Variants in GARNL3 observed in about 807,000 individuals in gnomAD.
GARNL3 encodes the protein GTPase-activating Rap/Ran-GAP domain-like protein 3.
GARNL3 carries 63 observed loss-of-function variants against 125.0 expected under a neutral mutation model. The observed-to-expected ratio is 0.50, with a 90% confidence interval of 0.41 to 0.62. The LOEUF is 0.62. GARNL3 is among the 20% of genes least tolerant of loss of function. GARNL3 has a pLI of 0.00. For missense variants in GARNL3, 994 were observed against 1,244.0 expected, an observed-to-expected ratio of 0.80 and a Z score of 3.02; for synonymous variants, 439 against 457.5, an observed-to-expected ratio of 0.96 and a Z score of 0.52.
intron 2 of GARNL3, chr9:127,300,729 A>C (rs1244579318): frequency 8.8e-6 from 3 of 339,738 alleles, no homozygotes; most frequent in Non-Finnish European, 1.7e-5. Flanking sequence ...TGCTGGGATT[A>C]CAGGCGCGAG....
At chr9:127,261,545 G>A (rs771931013), upstream of GARNL3, among the ~76,000 whole-genome samples, 53 of 151,738 alleles carry the variant, frequency 3.5e-4, no homozygotes, top group Non-Finnish European at 7.1e-4. Context: ...CAAGTAGGTG[G>A]GATTACAGGC....
intron 14 of GARNL3, among the ~76,000 whole-genome samples, chr9:127,343,328 G>T (rs550715237): frequency 1.3e-5 from 2 of 152,120 alleles, no homozygotes; most frequent in Admixed American, 1.3e-4. Context: ...TCTCAATTCC[G>T]TAAGGTCAGG....
chr9:127,288,090 T>C (rs1204312255), intron 1 of GARNL3, among the ~76,000 whole-genome samples: 2 of 152,168 alleles, frequency 1.3e-5, no homozygotes, highest in East Asian at 1.9e-4. Flanking sequence ...TTGCTGTCTT[T>C]TGAAGTTTGC....
intron 27 of GARNL3, among the ~76,000 whole-genome samples, chr9:127,391,668 T>C: frequency 7.6e-6 from 1 of 132,182 alleles, no homozygotes; most frequent in Non-Finnish European, 1.6e-5. Flanking sequence ...ACCACTGCAC[T>C]CCAGCCTGGG....
At position 127,354,078 on chromosome 9, in the gene GARNL3, G is replaced by C. The variant is rs1830551993; in HGVS notation, c.1642+134G>C. The C allele has an allele frequency of 7.0e-6, 5 of 716,350 alleles. No individual in the cohort carries two copies. The South Asian group carries it at 8.6e-5, about 12-fold the overall frequency. 44.4% of individuals were successfully genotyped at this position (716,350 alleles called of 1,614,324 possible). On this transcript the variant is annotated intron_variant, in intron 18 of 27. Transcript: ENST00000373387. ...TCCTTTCCTGATGCTCAGTGCTTGG[G>C]ATCCCTCAGTGGCCCCTTTGTTCTC...
chr9:127,304,789 G>T lies in GARNL3; in HGVS notation c.220-6847G>T, dbSNP rs1160426471. Reference sequence around the variant, plus strand: ...TGACCTCAGGTGATCCACCCACCTCGGCTTCCCAAAGTGCTAGGATTACAA... The same window carrying T: ...TGACCTCAGGTGATCCACCCACCTCTGCTTCCCAAAGTGCTAGGATTACAA... On this transcript the variant is annotated intron_variant, in intron 2 of 27. Transcript: ENST00000373387. 3.3e-5 allele frequency among the ~76,000 whole-genome samples: 5 copies of T among 152,054 alleles called. No homozygotes were observed. In the East Asian group the frequency reaches 9.7e-4, roughly 29 times the overall value.
chr9:127,336,995 G>A (rs1269185770), intron 11 of GARNL3, among the ~76,000 whole-genome samples: 2 of 152,224 alleles, frequency 1.3e-5, no homozygotes, highest in South Asian at 2.1e-4. Flanking sequence ...AAGTAAACAT[G>A]TTTGGAGACA....
chr9:127,349,417 A>AT (rs1588906409), intron 17 of GARNL3, among the ~76,000 whole-genome samples: 3 of 152,312 alleles, frequency 2.0e-5, no homozygotes, highest in East Asian at 1.9e-4. Context: ...AGTCTTAAAA[A>AT]AAAAAAAAAG....
chr9:127,291,146 T>C (rs754541492), intron 1 of GARNL3, 22 bp from the exon 2 acceptor site: 141 of 1,611,502 alleles, frequency 8.7e-5, no homozygotes, highest in Non-Finnish European at 9.3e-5. Flanking sequence ...TGCTTCCTAA[T>C]TGAATGCTTT....
intron 22 of GARNL3, among the ~76,000 whole-genome samples, chr9:127,380,388 C>T (rs1180709767): frequency 6.6e-6 from 1 of 152,066 alleles, no homozygotes; most frequent in Non-Finnish European, 1.5e-5. Flanking sequence ...AAGTATTTAA[C>T]AGTAAATAAC....
rs75753004 is a variant in GARNL3, at chr9:127,335,441, T to C, written c.873+108T>C. 2,722 of 865,708 alleles carry C rather than the reference T, an allele frequency of 3.1e-3. 69 individuals carry two copies. The African/African-American group carries it at 0.042, about 13-fold the overall frequency. The allele number at this position is 865,708 out of a possible 1,614,324, so 53.6% of individuals were successfully genotyped here. A position where few individuals can be genotyped will look rare whatever the true frequency, so the allele number is the denominator to read the frequency against. ...GCCGGTTAACATATGAGCTGAGCTG[T>C]GGCCACCAATTTAGGGATGCTTTTG... On this transcript the variant is annotated intron_variant, in intron 10 of 27. Coordinates refer to ENST00000373387, the MANE Select transcript of GARNL3 (RefSeq NM_032293.5).
At chr9:127,228,827 T>C (rs1023656830) in intron 1 of GARNL3, among the ~76,000 whole-genome samples, 1 of 152,198 alleles carries the variant, frequency 6.6e-6, no homozygotes, top group Non-Finnish European at 1.5e-5. Context: ...TTTTGTTGTT[T>C]GTTTGTTTGT....
intron 16 of GARNL3, among the ~76,000 whole-genome samples, chr9:127,346,685 C>T (rs530161171): frequency 1.3e-5 from 2 of 152,304 alleles, no homozygotes; most frequent in African/African-American, 2.4e-5. Flanking sequence ...TTATAACCCA[C>T]CCGCAGGCCG....
chr9:127,315,019 G>GT (rs2065200833), intron 4 of GARNL3, among the ~76,000 whole-genome samples: 1 of 152,210 alleles, frequency 6.6e-6, no homozygotes, highest in Non-Finnish European at 1.5e-5. Context: ...AGCCAAGGAG[G>GT]TGGAATTTAA....
At chr9:127,301,119 A>T (rs1316840780) in intron 2 of GARNL3, 1 of 156,428 alleles carries the variant, frequency 6.4e-6, no homozygotes. Context: ...CTTCAATGTG[A>T]CATCTGTTGT....
intron 2 of GARNL3, among the ~76,000 whole-genome samples, chr9:127,311,190 T>C (rs1004756953): frequency 2.0e-5 from 3 of 151,648 alleles, no homozygotes; most frequent in Admixed American, 2.0e-4. Flanking sequence ...GTATATTCAA[T>C]ATAATTTCAT....
At chr9:127,265,331 A>G (rs1369548271) in intron 1 of GARNL3, among the ~76,000 whole-genome samples, 2 of 152,052 alleles carry the variant, frequency 1.3e-5, no homozygotes, top group Non-Finnish European at 1.5e-5. Flanking sequence ...TTTGGCTTAT[A>G]TATGACCTTT....
At chr9:127,271,099 T>A (rs922311865) in intron 1 of GARNL3, among the ~76,000 whole-genome samples, 2 of 150,246 alleles carry the variant, frequency 1.3e-5, no homozygotes, top group Admixed American at 1.3e-4. Context: ...CAAGTCAGTT[T>A]CAAAGAAGGG....
chr9:127,231,040 A>ATGTG (rs1376359454), intron 1 of GARNL3, among the ~76,000 whole-genome samples: 2 of 46,362 alleles, frequency 4.3e-5, no homozygotes, highest in African/African-American at 1.3e-4. Context: ...ATATACATAT[A>ATGTG]TATATATATA....
Sources: gnomAD v4.1 joint callset for allele counts (sites outside exome capture counted in the v4.1 genomes callset) on GRCh38, gnomAD v4.1.1 for gene constraint, MANE v1.5 for transcripts, NCBI Gene and HGNC (gene_info 2026-07-23, HGNC 2026-07-21) for gene names.